The following OR1B1 variants were observed in gnomAD, a reference collection of about 807,000 sequenced individuals.
OR1B1 encodes olfactory receptor family 1 subfamily B member 1.
For missense variants in OR1B1, 414 were observed against 402.1 expected (o/e 1.03, Z -0.25); for synonymous variants, 168 against 156.2 (o/e 1.08, Z -0.57).
At chr9:122,635,816 A>T in the OR1B1 span, among the ~76,000 whole-genome samples, 3 of 152,196 alleles carry the variant, frequency 2.0e-5, no homozygotes, top group Admixed American at 6.5e-5. Context: ...ATACATAGAC[A>T]CTATGTTAGG....
rs758097670 is a variant in OR1B1, at chr9:122,629,403, C to T, written c.133G>A (p.Val45Met). The T allele has an allele frequency of 1.3e-5, 21 of 1,613,984 alleles. No homozygotes were observed. The East Asian group carries it at 4.7e-4, about 36-fold the overall frequency. ...CAGGAGATGAGCAGCACCAGTGTCA[C>T]ATTCCCCAGTATGGTGGTCAGGTAA... The change falls in exon 1 of 1, where the codon GTG (valine) becomes ATG (methionine). Residue 45 changes from valine to methionine, a missense_variant. Transcript: ENST00000623530.
chr9:122,628,881 G>A (rs1374644214), exon 1 of OR1B1: 7 of 1,614,098 alleles, frequency 4.3e-6, no homozygotes, highest in Middle Eastern at 1.6e-4. Flanking sequence ...AGTACAATGA[G>A]GGCACAGGGG....
In OR1B1 at chr9:122,629,491, CAA is replaced by C; in HGVS notation, c.43_44del (p.Leu15AlafsTer8). ...TGTTAGCTCTCGAGAACCCAAGGAG[CAA>C]AAAAACCGGAGAGTGTGAAGCATTA... On this transcript the variant is annotated frameshift_variant, in exon 1 of 1. Transcript: ENST00000623530. LOFTEE classifies it low-confidence loss of function (END_TRUNC). The C allele has an allele frequency of 6.2e-7, 1 of 1,609,040 alleles. No individual in the cohort carries two copies. The highest frequency in any genetic ancestry group is 8.5e-7 in the Non-Finnish European group (1 of 1,177,696).
chr9:122,656,794 A>G, the OR1B1 span, among the ~76,000 whole-genome samples: 8 of 152,210 alleles, frequency 5.3e-5, no homozygotes, highest in Admixed American at 2.6e-4. Flanking sequence ...AAACAGTACT[A>G]AATCAAAAAT....
the OR1B1 span, among the ~76,000 whole-genome samples, chr9:122,646,581 A>G: frequency 6.6e-6 from 1 of 152,138 alleles, no homozygotes; most frequent in Admixed American, 6.5e-5. Context: ...AATAGCCTTC[A>G]AGACAAAAAC....
chr9:122,649,271 A>T, the OR1B1 span, among the ~76,000 whole-genome samples: 4 of 152,234 alleles, frequency 2.6e-5, no homozygotes, highest in African/African-American at 4.8e-5. Flanking sequence ...TTAAAGACTT[A>T]AAGGTAAGAC....
At chr9:122,656,557 A>G in the OR1B1 span, among the ~76,000 whole-genome samples, 1 of 152,088 alleles carries the variant, frequency 6.6e-6, no homozygotes, top group African/African-American at 2.4e-5. Context: ...ACCATGTGAT[A>G]CCTTCCACAA....
chr9:122,634,924 T>C, the OR1B1 span, among the ~76,000 whole-genome samples: 2 of 152,164 alleles, frequency 1.3e-5, no homozygotes, highest in South Asian at 4.1e-4. Flanking sequence ...TTGCACATTG[T>C]TGGAAGGAAT....
chr9:122,628,706 T>C (rs776851080), exon 1 of OR1B1: 3 of 1,613,758 alleles, frequency 1.9e-6, no homozygotes, highest in African/African-American at 2.7e-5. Context: ...AGCCACCATG[T>C]CCTGATACTG....
chr9:122,628,148 G>A (rs1310659286), downstream of OR1B1, among the ~76,000 whole-genome samples: 1 of 151,950 alleles, frequency 6.6e-6, no homozygotes. Context: ...TGTCTAAACT[G>A]TCATCTTCCC....
the OR1B1 span, among the ~76,000 whole-genome samples, chr9:122,649,583 G>A: frequency 6.6e-6 from 1 of 152,162 alleles, no homozygotes; most frequent in Non-Finnish European, 1.5e-5. Flanking sequence ...CAAAAAGTGG[G>A]CAAAGGATAT....
the OR1B1 span, among the ~76,000 whole-genome samples, chr9:122,651,372 T>G: frequency 1.3e-5 from 2 of 152,200 alleles, no homozygotes; most frequent in East Asian, 3.8e-4. Context: ...TGTATTACTG[T>G]TAACTACAAT....
chr9:122,633,946 G>A (rs1388013037), upstream of OR1B1, among the ~76,000 whole-genome samples: 1 of 151,370 alleles, frequency 6.6e-6, no homozygotes, highest in Non-Finnish European at 1.5e-5. Context: ...GGGTGGGGTG[G>A]GGGGGTGCAA....
chr9:122,628,894 C>T (rs1007496713), exon 1 of OR1B1: 3 of 1,613,928 alleles, frequency 1.9e-6, no homozygotes, highest in African/African-American at 2.7e-5. Context: ...CACAGGGGCC[C>T]AGCATAAGGA....
upstream of OR1B1, among the ~76,000 whole-genome samples, chr9:122,631,970 C>T (rs535758807): frequency 6.6e-6 from 1 of 151,978 alleles, no homozygotes; most frequent in Admixed American, 6.5e-5. Context: ...TTCTAGAACT[C>T]TCAAAATAAA....
At chr9:122,654,073 G>A in the OR1B1 span, among the ~76,000 whole-genome samples, 1 of 152,018 alleles carries the variant, frequency 6.6e-6, no homozygotes, top group African/African-American at 2.4e-5. Flanking sequence ...TTTTTTAATT[G>A]ATCACCAACT....
the OR1B1 span, among the ~76,000 whole-genome samples, chr9:122,653,832 T>A: frequency 2.0e-5 from 3 of 152,220 alleles, no homozygotes; most frequent in Admixed American, 1.3e-4. Context: ...GAGCTCTTAT[T>A]AATTGAGAGC....
At chr9:122,643,257 C>G in the OR1B1 span, among the ~76,000 whole-genome samples, 4 of 152,286 alleles carry the variant, frequency 2.6e-5, no homozygotes, top group East Asian at 7.7e-4. Context: ...CCTGACCCCC[C>G]AACAGTGGCC....
chr9:122,635,842 A>T, the OR1B1 span, among the ~76,000 whole-genome samples: 1 of 152,068 alleles, frequency 6.6e-6, no homozygotes, highest in Non-Finnish European at 1.5e-5. Flanking sequence ...CACTGAATAG[A>T]AATTCGAAGA....
Sources: gnomAD v4.1 joint callset for allele counts (sites outside exome capture counted in the v4.1 genomes callset) on GRCh38, gnomAD v4.1.1 for gene constraint, MANE v1.5 for transcripts, NCBI Gene and HGNC (gene_info 2026-07-23, HGNC 2026-07-21) for gene names.